NUDT5: variants seen among roughly 807,000 people sequenced by gnomAD.
NUDT5 encodes the protein ADP-sugar pyrophosphatase.
A neutral mutation model predicts 34.1 loss-of-function variants in NUDT5; 21 were observed. That is an observed-to-expected ratio of 0.62 (90% confidence interval 0.44 to 0.89). The LOEUF is 0.89. Ranked by LOEUF, NUDT5 falls within the 40% of genes least tolerant of loss-of-function variation. NUDT5 has a pLI of 0.00. For missense variants in NUDT5, 249 were observed against 274.8 expected, an observed-to-expected ratio of 0.91 and a Z score of 0.66; for synonymous variants, 85 against 97.6, an observed-to-expected ratio of 0.87 and a Z score of 0.76.
At position 12,170,323 on chromosome 10, in the gene NUDT5, A is replaced by G. The variant is rs755296010; in HGVS notation, c.550+394T>C. The G allele has an allele frequency of 6.8e-6, 6 of 882,444 alleles. No individual in the cohort carries two copies. Among genetic ancestry groups the G allele is most frequent in the Non-Finnish European group, 1.1e-5 (6 of 558,090 alleles). The allele number at this position is 882,444 out of a possible 1,614,324, so 54.7% of individuals were successfully genotyped here. ...GCATCATCAATTTCTCCTTGAACAT[A>G]CAGCCTCCACAAAGGACCATCCCTC... On this transcript the variant is annotated intron_variant, in intron 9 of 9. Coordinates refer to ENST00000491614, the MANE Select transcript of NUDT5 (RefSeq NM_014142.4). This position sits in a 1 kb window ranked among gnomAD's most constrained non-coding sequence, Gnocchi z 4.9.
Position 12,172,281 on chromosome 10 carries a change from AT to A in NUDT5, c.487+483del, listed in dbSNP as rs541492956. 6.3e-3 allele frequency among the ~76,000 whole-genome samples: 913 copies of A among 145,750 alleles called. 3 individuals are homozygous for A. Among genetic ancestry groups the A allele is most frequent in the Middle Eastern group, 0.025 (7 of 282 alleles). ...CTGCCCGTTAACAATTACTTAGGCC[AT>A]TTTTTTTTTTTTAAGAGAGACATGG... is the stretch of plus-strand genomic sequence containing the variant. On this transcript the variant is annotated intron_variant, in intron 7 of 9. Coordinates refer to ENST00000491614, the MANE Select transcript of NUDT5 (RefSeq NM_014142.4).
At chr10:12,185,473 C>T (rs752496016) in intron 2 of NUDT5, among the ~76,000 whole-genome samples, 3 of 152,224 alleles carry the variant, frequency 2.0e-5, no homozygotes, top group Non-Finnish European at 4.4e-5. Context: ...TCCCACCCAA[C>T]CACAGATGGA....
Position 12,169,316 on chromosome 10 carries a change from C to G in NUDT5, c.550+1401G>C. On this transcript the variant is annotated intron_variant, in intron 9 of 9. Coordinates refer to ENST00000491614, the MANE Select transcript of NUDT5 (RefSeq NM_014142.4). The surrounding 1 kb of genome is among the most constrained non-coding windows in gnomAD (Gnocchi z 4.8). ...AGGAAGACATTTTACAAAAAGGATACTCTTCTACTAAAAGATAACCCCGCA... is the reference window on the plus strand; with the variant it reads ...AGGAAGACATTTTACAAAAAGGATAGTCTTCTACTAAAAGATAACCCCGCA... 4 of 1,554,276 alleles carry G rather than the reference C, an allele frequency of 2.6e-6. No homozygotes were observed. The highest frequency in any genetic ancestry group is 3.5e-6 in the Non-Finnish European group (4 of 1,147,220).
At chr10:12,194,605 A>G (rs180770675) in intron 1 of NUDT5, among the ~76,000 whole-genome samples, 149 of 152,348 alleles carry the variant, frequency 9.8e-4, no homozygotes, top group African/African-American at 3.4e-3. Context: ...AGCCAGTAAC[A>G]TTTTTGAGAA....
intron 1 of NUDT5, among the ~76,000 whole-genome samples, chr10:12,194,451 A>G (rs1163590963): frequency 1.3e-5 from 2 of 152,222 alleles, no homozygotes; most frequent in Non-Finnish European, 2.9e-5. Flanking sequence ...CCCTCAAATC[A>G]GAAAGGACTG....
intron 5 of NUDT5, among the ~76,000 whole-genome samples, chr10:12,174,603 G>C (rs1325215026): frequency 6.6e-6 from 1 of 152,190 alleles, no homozygotes; most frequent in Non-Finnish European, 1.5e-5. Context: ...ACAAAAAGGC[G>C]AAAGAATAAA....
Position 12,170,630 on chromosome 10 carries a change from G to T in NUDT5, c.550+87C>A. On this transcript the variant is annotated intron_variant, in intron 9 of 9. Coordinates refer to ENST00000491614, the MANE Select transcript of NUDT5 (RefSeq NM_014142.4). This position sits in a 1 kb window ranked among gnomAD's most constrained non-coding sequence, Gnocchi z 4.9. ...ACTTTAGTGATACAAAAAAGATAAA[G>T]AAATGGAGTTATATTTAGTACCCAG... The T allele has an allele frequency of 8.1e-7, 1 of 1,230,138 alleles. No individual in the cohort carries two copies. The highest frequency in any genetic ancestry group is 1.2e-6 in the Non-Finnish European group (1 of 833,956). 76.2% of individuals were successfully genotyped at this position (1,230,138 alleles called of 1,614,324 possible). A position where few individuals can be genotyped will look rare whatever the true frequency, so the allele number is the denominator to read the frequency against.
intron 5 of NUDT5, among the ~76,000 whole-genome samples, chr10:12,174,508 C>T (rs1834918254): frequency 6.7e-6 from 1 of 150,258 alleles, no homozygotes; most frequent in Non-Finnish European, 1.5e-5. Flanking sequence ...AACTCCTGGC[C>T]TCAAGTGATT....
chr10:12,173,600 G>T lies in NUDT5; in HGVS notation c.385+118C>A. 1 of 834,296 alleles carries T rather than the reference G, an allele frequency of 1.2e-6. No individual in the cohort carries two copies. The highest frequency in any genetic ancestry group is 2.0e-6 in the Non-Finnish European group (1 of 490,010). The allele number at this position is 834,296 out of a possible 1,614,324, so 51.7% of individuals were successfully genotyped here. A position where few individuals can be genotyped will look rare whatever the true frequency, so the allele number is the denominator to read the frequency against. On this transcript the variant is annotated intron_variant, in intron 6 of 9. Transcript: ENST00000491614. This position sits in a 1 kb window ranked among gnomAD's most constrained non-coding sequence, Gnocchi z 4.7. ...GAGATTCCCTTACACTTGGTGACCA[G>T]TCCTAATCTGTGATTTCTTTCTCTT...
intron 7 of NUDT5, among the ~76,000 whole-genome samples, chr10:12,172,023 C>CA (rs1834867872): frequency 6.6e-6 from 1 of 151,716 alleles, no homozygotes; most frequent in East Asian, 1.9e-4. Flanking sequence ...CCACGCCCGG[C>CA]AAAAAATAAG....
chr10:12,171,072 T>G lies in NUDT5; in HGVS notation c.488-164A>C, dbSNP rs1253610855. Among the ~76,000 whole-genome samples the G allele has an allele frequency of 2.0e-5, 3 of 152,226 alleles. No individual in the cohort carries two copies. Among genetic ancestry groups the G allele is most frequent in the Non-Finnish European group, 4.4e-5 (3 of 68,052 alleles). On this transcript the variant is annotated intron_variant, in intron 7 of 9. Transcript: ENST00000491614. The surrounding 1 kb of genome is among the most constrained non-coding windows in gnomAD (Gnocchi z 4.2). ...TCAAACTCGAGCAGTATGAAGTTAT[T>G]GTTCTCCACATAATGTTAAGTAGCA...
rs1162804752 is a variant in NUDT5 at position 12,170,638 on chromosome 10, GT to G, written c.550+78del. On this transcript the variant is annotated intron_variant, in intron 9 of 9. Coordinates refer to ENST00000491614, the MANE Select transcript of NUDT5 (RefSeq NM_014142.4). The surrounding 1 kb of genome is among the most constrained non-coding windows in gnomAD (Gnocchi z 4.9). ...GATACAAAAAAGATAAAGAAATGGAGTTATATTTAGTACCCAGTTTGCTGGG... is the reference window on the plus strand; with the variant it reads ...GATACAAAAAAGATAAAGAAATGGAGTATATTTAGTACCCAGTTTGCTGGG... 6 of 1,289,386 alleles carry G rather than the reference GT, an allele frequency of 4.7e-6. No homozygotes were observed. Among genetic ancestry groups the G allele is most frequent in the Non-Finnish European group, 6.8e-6 (6 of 886,282 alleles). 79.9% of individuals were successfully genotyped at this position (1,289,386 alleles called of 1,614,324 possible).
rs753491193 is a variant in NUDT5, at chr10:12,172,757, A to G, written c.487+8T>C. On this transcript the variant is annotated splice_region_variant and intron_variant, in intron 7 of 9. Coordinates refer to ENST00000491614, the MANE Select transcript of NUDT5 (RefSeq NM_014142.4). Reference sequence around the variant, plus strand: ...ACACCACCTTCATCACAGCCGACACACACATACCTGGCTTTGGCTTCGGCC... The same window carrying G: ...ACACCACCTTCATCACAGCCGACACGCACATACCTGGCTTTGGCTTCGGCC... 22 of 1,604,434 alleles carry G rather than the reference A, an allele frequency of 1.4e-5. No individual in the cohort carries two copies. The highest frequency in any genetic ancestry group is 1.9e-5 in the Non-Finnish European group (22 of 1,171,224).
Position 12,179,141 on chromosome 10 carries a change from G to C in NUDT5, c.132-9C>G. The stretch of plus-strand genomic sequence containing the variant: ...TCACTGATTCCCAAGTTCTGTTCAG[G>C]CAGAGAAGAAAAAAAAGTCATTAGT... On this transcript the variant is annotated splice_polypyrimidine_tract_variant and intron_variant, in intron 3 of 9. Coordinates refer to ENST00000491614, the MANE Select transcript of NUDT5 (RefSeq NM_014142.4). The C allele has an allele frequency of 6.2e-7, 1 of 1,611,590 alleles. No individual in the cohort carries two copies. Among genetic ancestry groups the C allele is most frequent in the Non-Finnish European group, 8.5e-7 (1 of 1,179,120 alleles).
intron 3 of NUDT5, among the ~76,000 whole-genome samples, chr10:12,179,550 A>T (rs1441829383): frequency 1.3e-5 from 2 of 152,256 alleles, no homozygotes; most frequent in African/African-American, 4.8e-5. Flanking sequence ...GACAACGTGA[A>T]CTATTGAGAT....
Position 12,170,124 on chromosome 10 carries a change from T to C in NUDT5, c.550+593A>G. On this transcript the variant is annotated intron_variant, in intron 9 of 9. Coordinates refer to ENST00000491614, the MANE Select transcript of NUDT5 (RefSeq NM_014142.4). This position sits in a 1 kb window ranked among gnomAD's most constrained non-coding sequence, Gnocchi z 4.9. ...CCTCTCGTGGTTTTATCAAAGGACT[T>C]TTCTCCCCATAAGCTTACTGTTTAC... 6.2e-7 allele frequency: 1 copy of C among 1,612,522 alleles called. No homozygotes were observed.
At chr10:12,179,407 T>G (rs1835010200) in intron 3 of NUDT5, among the ~76,000 whole-genome samples, 1 of 152,214 alleles carries the variant, frequency 6.6e-6, no homozygotes, top group Admixed American at 6.5e-5. Flanking sequence ...AGCTGCCGCT[T>G]TCTCAGAAAA....
chr10:12,189,352 A>T (rs2399787), intron 1 of NUDT5, among the ~76,000 whole-genome samples: 2 of 152,174 alleles, frequency 1.3e-5, no homozygotes, highest in Non-Finnish European at 2.9e-5. Context: ...GTGATCCACC[A>T]GCCTCAGCCT....
rs1834977668 is a variant in NUDT5, at chr10:12,177,709, G to A, written c.289+84C>T. The A allele has an allele frequency of 3.1e-6, 3 of 981,496 alleles. No individual in the cohort carries two copies. The East Asian group carries it at 7.2e-5, about 24-fold the overall frequency. 60.8% of individuals were successfully genotyped at this position (981,496 alleles called of 1,614,324 possible). On this transcript the variant is annotated intron_variant, in intron 5 of 9. Coordinates refer to ENST00000491614, the MANE Select transcript of NUDT5 (RefSeq NM_014142.4). ...AAACCACAAGGACAGATTAAAAACT[G>A]CAGAGCTGAGCTTTGCAGTTCTCAG...
Sources: allele counts gnomAD v4.1 joint callset (sites outside exome capture counted in the v4.1 genomes callset), GRCh38; gene constraint gnomAD v4.1.1; non-coding constraint Gnocchi (gnomAD v3.1); transcripts MANE v1.5; gene names NCBI Gene and HGNC (gene_info 2026-07-23, HGNC 2026-07-21).